Variants in FTO observed in about 807,000 individuals in gnomAD.
The protein encoded by FTO is alpha-ketoglutarate-dependent dioxygenase FTO.
A neutral mutation model predicts 63.9 loss-of-function variants in FTO; 47 were observed. The observed-to-expected ratio is 0.74, with a 90% CI of 0.58 to 0.94. The LOEUF is 0.94. FTO is among the 40% of genes least tolerant of loss of function. The probability of loss-of-function intolerance (pLI) is 0.00; values close to 1 mark genes in which losing one functional copy is unlikely to be tolerated. For missense variants in FTO, 562 were observed against 618.1 expected (o/e 0.91, Z 0.96); for synonymous variants, 207 against 224.4 (o/e 0.92, Z 0.69).
Position 54,069,504 on chromosome 16 carries a change from CA to C in FTO, c.1365-42253del, listed in dbSNP as rs1332721220. ...AAATTATACGTTCCATGGGGAAAAA[CA>C]AAAAGGCAATAGAGAATCTATACCA... is the stretch of plus-strand genomic sequence containing the variant. On this transcript the variant is annotated intron_variant, in intron 8 of 8. Coordinates refer to ENST00000471389, the MANE Select transcript of FTO (RefSeq NM_001080432.3). Among the ~76,000 whole-genome samples, 5 of 151,982 alleles carry C rather than the reference CA, an allele frequency of 3.3e-5. No individual in the cohort carries two copies. The East Asian group carries it at 9.6e-4, about 29-fold the overall frequency.
At chr16:53,971,788 C>T (rs1324506420) in intron 8 of FTO, among the ~76,000 whole-genome samples, 1 of 152,152 alleles carries the variant, frequency 6.6e-6, no homozygotes, top group African/African-American at 2.4e-5. Context: ...TCTTTTGTGT[C>T]TGGTGAACCA....
chr16:53,889,883 C>G (rs1239296120), intron 7 of FTO, among the ~76,000 whole-genome samples: 3 of 152,120 alleles, frequency 2.0e-5, no homozygotes, highest in Admixed American at 6.5e-5. Context: ...AAGTACCAGA[C>G]ATTATTCTAG....
chr16:53,988,151 G>A (rs1024223047), intron 8 of FTO, among the ~76,000 whole-genome samples: 4 of 152,154 alleles, frequency 2.6e-5, no homozygotes, highest in Non-Finnish European at 5.9e-5. Context: ...CATTTTAAGA[G>A]TTGCCCATTT....
At chr16:53,778,923 A>G (rs549684236) in intron 1 of FTO, among the ~76,000 whole-genome samples, 1 of 150,648 alleles carries the variant, frequency 6.6e-6, no homozygotes, top group Non-Finnish European at 1.5e-5. Context: ...TGCCGCAGAG[A>G]TCAGTTGTTT....
intron 1 of FTO, among the ~76,000 whole-genome samples, chr16:53,716,068 A>G (rs912926256): frequency 6.6e-6 from 1 of 152,172 alleles, no homozygotes; most frequent in Non-Finnish European, 1.5e-5. Flanking sequence ...ACTTCTTGGG[A>G]GCATGGGCGC....
rs759963336 is a variant in FTO at position 53,911,381 on chromosome 16, T to A, written c.1239+22430T>A. The A allele has an allele frequency of 1.1e-5, 8 of 702,992 alleles. No individual in the cohort carries two copies. In the African/African-American group the frequency reaches 1.2e-4, roughly 11 times the overall value. The allele number at this position is 702,992 out of a possible 1,614,324, so 43.5% of individuals were successfully genotyped here. On this transcript the variant is annotated intron_variant, in intron 7 of 8. Coordinates refer to ENST00000471389, the MANE Select transcript of FTO (RefSeq NM_001080432.3). ...AGAGGACCAGGAGTAGGTGGTAGAA[T>A]GGAGTGGAGGAAAGTCAGCGAATGT...
intron 1 of FTO, among the ~76,000 whole-genome samples, chr16:53,795,036 GGATAAATAAAGGCATTACATT>G (rs1166494385): frequency 6.6e-6 from 1 of 151,726 alleles, no homozygotes; most frequent in Non-Finnish European, 1.5e-5. Context: ...ATACTCAAGG[GGATAAATAAAGGCATTACATT>G]GATGAAAAAT....
chr16:53,911,419 C>A, intron 7 of FTO: 1 of 703,112 alleles, frequency 1.4e-6, no homozygotes, highest in Non-Finnish European at 2.6e-6. Context: ...TAGTGTCGAA[C>A]CCTGCAGGGA....
chr16:53,793,057 G>A (rs1185297278), intron 1 of FTO, among the ~76,000 whole-genome samples: 3 of 152,316 alleles, frequency 2.0e-5, no homozygotes, highest in East Asian at 3.9e-4. Flanking sequence ...AATTATATTA[G>A]TAGTTTGCAA....
chr16:54,008,985 C>G (rs2084276491), intron 8 of FTO, among the ~76,000 whole-genome samples: 1 of 145,146 alleles, frequency 6.9e-6, no homozygotes, highest in Non-Finnish European at 1.5e-5. Flanking sequence ...GCACTCCAGC[C>G]TGAGTGACAG....
intron 7 of FTO, among the ~76,000 whole-genome samples, chr16:53,898,489 G>A (rs774454835): frequency 6.6e-6 from 1 of 152,024 alleles, no homozygotes; most frequent in Non-Finnish European, 1.5e-5. Context: ...TCCATTTGTT[G>A]TCTGCCTCTA....
At chr16:53,974,066 T>C (rs2083386284) in intron 8 of FTO, among the ~76,000 whole-genome samples, 1 of 152,202 alleles carries the variant, frequency 6.6e-6, no homozygotes, top group African/African-American at 2.4e-5. Context: ...GGGCCCTGCT[T>C]GGTCAAACAA....
chr16:53,912,208 T>G (rs1275555344), intron 7 of FTO, among the ~76,000 whole-genome samples: 1 of 152,160 alleles, frequency 6.6e-6, no homozygotes, highest in Non-Finnish European at 1.5e-5. Context: ...GAGTAAAACC[T>G]CACTTACAGT....
At chr16:53,980,426 A>G (rs1392771897) in intron 8 of FTO, among the ~76,000 whole-genome samples, 1 of 152,226 alleles carries the variant, frequency 6.6e-6, no homozygotes, top group African/African-American at 2.4e-5. Flanking sequence ...CTCTAAGCTA[A>G]GGAAGCTGAC....
intron 8 of FTO, among the ~76,000 whole-genome samples, chr16:54,062,535 G>A (rs762753726): frequency 1.9e-4 from 29 of 152,222 alleles, no homozygotes; most frequent in African/African-American, 4.3e-4. Flanking sequence ...CTCTAGCCCC[G>A]CCCCCTTTTT....
intron 8 of FTO, among the ~76,000 whole-genome samples, chr16:53,936,665 C>T (rs749876694): frequency 2.1e-4 from 32 of 152,180 alleles, no homozygotes; most frequent in Non-Finnish European, 4.0e-4. Context: ...AATTAGCACT[C>T]ACCAAAGGCC....
At chr16:53,869,692 T>C (rs1598870654) in intron 4 of FTO, among the ~76,000 whole-genome samples, 1 of 152,184 alleles carries the variant, frequency 6.6e-6, no homozygotes, top group Admixed American at 6.6e-5. Context: ...TACAGTGTTA[T>C]TGATTTCCAG....
chr16:53,935,176 C>T (rs4784333), intron 8 of FTO, among the ~76,000 whole-genome samples: 1 of 151,910 alleles, frequency 6.6e-6, no homozygotes, highest in Non-Finnish European at 1.5e-5. Context: ...AATCAGGAAG[C>T]GTATGGCATA....
intron 1 of FTO, among the ~76,000 whole-genome samples, chr16:53,789,158 C>T (rs962239783): frequency 2.6e-5 from 4 of 152,158 alleles, no homozygotes; most frequent in Admixed American, 1.3e-4. Flanking sequence ...GAGAGATACC[C>T]TGGAAATGGA....
Sources: allele counts gnomAD v4.1 joint callset (sites outside exome capture counted in the v4.1 genomes callset), GRCh38; gene constraint gnomAD v4.1.1; transcripts MANE v1.5; gene names NCBI Gene and HGNC (gene_info 2026-07-23, HGNC 2026-07-21).